SLC25A21: variants seen among roughly 807,000 people sequenced by gnomAD.
The protein encoded by SLC25A21 is mitochondrial 2-oxodicarboxylate carrier.
A neutral mutation model predicts 43.8 loss-of-function variants in SLC25A21; 47 were observed. The observed-to-expected ratio is 1.07, with a 90% CI of 0.85 to 1.37. The LOEUF (loss-of-function observed/expected upper bound fraction) is 1.37, where lower values mean the gene tolerates loss of function less well. Among genes scored for constraint, SLC25A21 ranks in the 40% most tolerant of loss-of-function variants. The pLI is 0.00. For synonymous variants in SLC25A21, 131 were observed against 121.3 expected, an observed-to-expected ratio of 1.08 and a Z score of -0.52; for missense variants, 352 against 350.2, an observed-to-expected ratio of 1.00 and a Z score of -0.04.
intron 2 of SLC25A21, among the ~76,000 whole-genome samples, chr14:36,829,474 CCTT>C (rs1469498523): frequency 2.0e-5 from 3 of 152,250 alleles, no homozygotes; most frequent in Admixed American, 2.0e-4. Flanking sequence ...GTTTTGGTCA[CCTT>C]CTTCACACAT....
intron 1 of SLC25A21, among the ~76,000 whole-genome samples, chr14:36,889,047 T>C (rs1472777150): frequency 6.6e-6 from 1 of 152,214 alleles, no homozygotes; most frequent in Non-Finnish European, 1.5e-5. Context: ...GAACCATAGC[T>C]ACACAAATTC....
At chr14:36,891,251 T>C (rs1267204518) in intron 1 of SLC25A21, among the ~76,000 whole-genome samples, 4 of 152,164 alleles carry the variant, frequency 2.6e-5, no homozygotes, top group Non-Finnish European at 4.4e-5. Flanking sequence ...ACAGGGTGAC[T>C]ACAAAGTCTG....
chr14:37,172,162 C>A (rs1325942343), intron 1 of SLC25A21, 119 bp downstream of exon 1: 3 of 1,061,770 alleles, frequency 2.8e-6, no homozygotes, highest in Non-Finnish European at 2.7e-6. Flanking sequence ...GCTCCGGGAG[C>A]GCTGAATTTT....
intron 1 of SLC25A21, among the ~76,000 whole-genome samples, chr14:37,096,805 C>G (rs1446709615): frequency 2.6e-5 from 4 of 152,096 alleles, no homozygotes; most frequent in Non-Finnish European, 5.9e-5. Context: ...TTCCTCAAAA[C>G]AGCCATTTTG....
chr14:36,843,834 T>C (rs1889460524), intron 2 of SLC25A21, among the ~76,000 whole-genome samples: 1 of 152,186 alleles, frequency 6.6e-6, no homozygotes, highest in African/African-American at 2.4e-5. Flanking sequence ...TGCTTTGTAG[T>C]TTGTTTTTTG....
chr14:37,119,788 C>T (rs1417682188), intron 1 of SLC25A21, among the ~76,000 whole-genome samples: 1 of 152,086 alleles, frequency 6.6e-6, no homozygotes, highest in African/African-American at 2.4e-5. Context: ...ACCATTTCAG[C>T]TCTATTAAAA....
chr14:36,847,576 T>C (rs1179850316), intron 2 of SLC25A21, among the ~76,000 whole-genome samples: 3 of 152,112 alleles, frequency 2.0e-5, no homozygotes, highest in Non-Finnish European at 2.9e-5. Context: ...AGGTGATATC[T>C]GAGGAGCGTT....
chr14:36,943,512 T>C (rs75316214), intron 1 of SLC25A21, among the ~76,000 whole-genome samples: 2 of 152,198 alleles, frequency 1.3e-5, no homozygotes, highest in African/African-American at 2.4e-5. Flanking sequence ...TTTTGTATCA[T>C]GTCTTAGACA....
At chr14:36,804,479 T>G (rs971418161) in intron 3 of SLC25A21, among the ~76,000 whole-genome samples, 1 of 152,210 alleles carries the variant, frequency 6.6e-6, no homozygotes, top group Non-Finnish European at 1.5e-5. Context: ...AAACTAGAAC[T>G]GTACTCCTCA....
intron 2 of SLC25A21, among the ~76,000 whole-genome samples, chr14:36,845,549 G>T (rs1889515900): frequency 6.6e-6 from 1 of 152,182 alleles, no homozygotes; most frequent in Non-Finnish European, 1.5e-5. Flanking sequence ...GCCAAGTATT[G>T]CATGAGGCAC....
intron 1 of SLC25A21, among the ~76,000 whole-genome samples, chr14:37,147,565 T>C (rs759614448): frequency 4.6e-5 from 7 of 151,604 alleles, no homozygotes; most frequent in Non-Finnish European, 7.4e-5. Flanking sequence ...GACCCTATAT[T>C]TGGGCTTAGG....
intron 1 of SLC25A21, among the ~76,000 whole-genome samples, chr14:36,930,819 C>A (rs984696511): frequency 2.0e-5 from 3 of 152,118 alleles, no homozygotes; most frequent in African/African-American, 4.8e-5. Flanking sequence ...CTGCCTCACT[C>A]CTCCCCACAT....
chr14:36,711,567 C>A, intron 6 of SLC25A21, 85 bp from the exon 7 acceptor site: 1 of 1,431,868 alleles, frequency 7.0e-7, no homozygotes, highest in South Asian at 1.5e-5. Context: ...CCCTTCAAGC[C>A]AGAATTATTA....
chr14:36,782,994 T>TA (rs1887124443), intron 3 of SLC25A21, among the ~76,000 whole-genome samples: 1 of 148,884 alleles, frequency 6.7e-6, no homozygotes, highest in South Asian at 2.1e-4. Context: ...ATAAAAAAAA[T>TA]AAAAATAAAA....
chr14:36,931,017 G>A (rs558043163), intron 1 of SLC25A21, among the ~76,000 whole-genome samples: 13 of 152,078 alleles, frequency 8.5e-5, no homozygotes, highest in African/African-American at 2.4e-4. Flanking sequence ...TCCCTGAACT[G>A]GCCCATCTGA....
At chr14:36,713,789 G>A (rs1883995286) in intron 6 of SLC25A21, among the ~76,000 whole-genome samples, 1 of 152,066 alleles carries the variant, frequency 6.6e-6, no homozygotes, top group South Asian at 2.1e-4. Context: ...TTCAAGACCA[G>A]CCTGAACAAC....
intron 3 of SLC25A21, among the ~76,000 whole-genome samples, chr14:36,744,858 T>A (rs1302595085): frequency 1.1e-5 from 1 of 91,826 alleles, no homozygotes; most frequent in Non-Finnish European, 2.0e-5. Context: ...TGAACAGGCA[T>A]TTTTCTTTTT....
rs554768997 is a variant in SLC25A21, at chr14:36,969,134, C to T, written c.71-94130G>A. Among the ~76,000 whole-genome samples, 3 of 152,280 alleles carry T rather than the reference C, an allele frequency of 2.0e-5. No homozygotes were observed. In the South Asian group the frequency reaches 6.2e-4, roughly 32 times the overall value. On this transcript the variant is annotated intron_variant, in intron 1 of 9. Transcript: ENST00000331299. ...TTCCTCTTCTGCATAATTTTCATAACAATCCCAATTTTAGGAAATATAATT... is the reference window on the plus strand; with the variant it reads ...TTCCTCTTCTGCATAATTTTCATAATAATCCCAATTTTAGGAAATATAATT...
chr14:36,947,012 G>T (rs1323236603), intron 1 of SLC25A21, among the ~76,000 whole-genome samples: 1 of 152,042 alleles, frequency 6.6e-6, no homozygotes, highest in East Asian at 1.9e-4. Flanking sequence ...ATATCCTCCA[G>T]CTCTCCTAGA....
Sources: gnomAD v4.1 joint callset for allele counts (sites outside exome capture counted in the v4.1 genomes callset) on GRCh38, gnomAD v4.1.1 for gene constraint, MANE v1.5 for transcripts, NCBI Gene and HGNC (gene_info 2026-07-23, HGNC 2026-07-21) for gene names.